Variants in CAST observed in about 807,000 individuals in gnomAD.
CAST encodes calpastatin.
Under a neutral mutation model 119.6 loss-of-function variants are expected in CAST, and 76 were observed. That is an observed-to-expected ratio of 0.64 (90% CI 0.53 to 0.77). CAST has a LOEUF of 0.77. CAST is among the 30% of genes least tolerant of loss of function. CAST has a pLI of 0.00. For synonymous variants in CAST, 319 were observed against 331.6 expected, an observed-to-expected ratio of 0.96 and a Z score of 0.41; for missense variants, 953 against 946.5, an observed-to-expected ratio of 1.01 and a Z score of -0.09.
At chr5:96,146,579 A>G in the CAST span, among the ~76,000 whole-genome samples, 2 of 152,282 alleles carry the variant, frequency 1.3e-5, no homozygotes, top group Non-Finnish European at 2.9e-5. Flanking sequence ...ACATTTAAAT[A>G]GACAAAAAAA....
the CAST span, among the ~76,000 whole-genome samples, chr5:96,367,103 G>C: frequency 2.0e-5 from 3 of 152,190 alleles, no homozygotes; most frequent in African/African-American, 7.2e-5. Context: ...CTCCAGACCT[G>C]TTTGCCTGGG....
the CAST span, among the ~76,000 whole-genome samples, chr5:96,518,089 A>T: frequency 2.0e-5 from 3 of 152,370 alleles, no homozygotes; most frequent in African/African-American, 7.2e-5. Context: ...CCACATTCTT[A>T]AATATCACAC....
At chr5:96,571,657 C>T (rs1331471302) in intron 1 of CAST, among the ~76,000 whole-genome samples, 2 of 152,180 alleles carry the variant, frequency 1.3e-5, no homozygotes, top group Non-Finnish European at 2.9e-5. Flanking sequence ...CAGTAGATTG[C>T]TCTCTCACAT....
chr5:96,461,908 A>G, the CAST span, among the ~76,000 whole-genome samples: 1 of 152,140 alleles, frequency 6.6e-6, no homozygotes, highest in South Asian at 2.1e-4. Flanking sequence ...AGCATGACCA[A>G]CGCTGACTGT....
chr5:96,208,469 A>G, the CAST span, among the ~76,000 whole-genome samples: 4 of 151,942 alleles, frequency 2.6e-5, no homozygotes, highest in Admixed American at 6.6e-5. Flanking sequence ...GTTTGATGTT[A>G]TAAACTTTCC....
chr5:96,126,423 A>T, the CAST span, among the ~76,000 whole-genome samples: 1 of 152,068 alleles, frequency 6.6e-6, no homozygotes, highest in Admixed American at 6.6e-5. Flanking sequence ...TTGATTATTG[A>T]TTTATTTTCC....
At chr5:96,238,915 C>CT in the CAST span, among the ~76,000 whole-genome samples, 2 of 152,004 alleles carry the variant, frequency 1.3e-5, no homozygotes, top group Admixed American at 1.3e-4. Context: ...AAACTTATTT[C>CT]TTTTGTGTGG....
chr5:96,404,904 T>A, the CAST span, among the ~76,000 whole-genome samples: 2 of 152,220 alleles, frequency 1.3e-5, no homozygotes, highest in Non-Finnish European at 2.9e-5. Context: ...CTGTGTCTGG[T>A]CTACAGTAAG....
chr5:96,416,143 T>C, the CAST span: 2 of 1,478,316 alleles, frequency 1.4e-6, no homozygotes, highest in South Asian at 2.3e-5. Flanking sequence ...AAAATAAGAA[T>C]TATAAAACAT....
the CAST span, among the ~76,000 whole-genome samples, chr5:96,104,272 C>T: frequency 6.6e-6 from 1 of 152,234 alleles, no homozygotes; most frequent in Admixed American, 6.5e-5. Context: ...GCTTTTGTTG[C>T]CATTGCTTTT....
the CAST span, among the ~76,000 whole-genome samples, chr5:95,978,010 C>T: frequency 9.2e-5 from 14 of 151,978 alleles, no homozygotes; most frequent in African/African-American, 1.9e-4. Context: ...TGGTATTCCA[C>T]GGTGTGTATG....
chr5:96,149,948 C>T, the CAST span, among the ~76,000 whole-genome samples: 1 of 152,178 alleles, frequency 6.6e-6, no homozygotes, highest in Non-Finnish European at 1.5e-5. Context: ...AAAGTTCCCT[C>T]ATCTTTTTTT....
chr5:95,961,877 A>C, the CAST span: 1 of 915,030 alleles, frequency 1.1e-6, no homozygotes. Flanking sequence ...TCGGACTGCC[A>C]CCGCCGCCAC....
intron 1 of CAST, among the ~76,000 whole-genome samples, chr5:96,576,141 T>C (rs1242397680): frequency 6.6e-6 from 1 of 152,220 alleles, no homozygotes; most frequent in African/African-American, 2.4e-5. Context: ...AATTTTTGTC[T>C]AATTTCATAA....
chr5:96,480,728 A>G, the CAST span, among the ~76,000 whole-genome samples: 2 of 152,222 alleles, frequency 1.3e-5, no homozygotes, highest in Admixed American at 1.3e-4. Flanking sequence ...GTGGTACCAT[A>G]GAAACGAAAA....
the CAST span, among the ~76,000 whole-genome samples, chr5:96,104,174 T>C: frequency 1.3e-5 from 2 of 152,116 alleles, no homozygotes; most frequent in African/African-American, 4.8e-5. Context: ...TTTTCGCCCA[T>C]TTTGTAGGTT....
chr5:96,130,043 A>T, the CAST span, among the ~76,000 whole-genome samples: 1 of 135,292 alleles, frequency 7.4e-6, no homozygotes, highest in Non-Finnish European at 1.6e-5. Context: ...TTTTTTTGAG[A>T]CGGAGTCTTG....
chr5:96,419,936 G>A, the CAST span, among the ~76,000 whole-genome samples: 1 of 152,010 alleles, frequency 6.6e-6, no homozygotes, highest in East Asian at 1.9e-4. Flanking sequence ...TGCAGCCATC[G>A]TACAAGTTAT....
At chr5:96,410,573 A>T in the CAST span, among the ~76,000 whole-genome samples, 1 of 152,088 alleles carries the variant, frequency 6.6e-6, no homozygotes, top group African/African-American at 2.4e-5. Flanking sequence ...GGGGAAGATC[A>T]TCTTGGCAGA....
Sources: gnomAD v4.1 joint callset for allele counts (sites outside exome capture counted in the v4.1 genomes callset) on GRCh38, gnomAD v4.1.1 for gene constraint, MANE v1.5 for transcripts, NCBI Gene and HGNC (gene_info 2026-07-23, HGNC 2026-07-21) for gene names.